ZPBP: variants seen among roughly 807,000 people sequenced by gnomAD.
ZPBP encodes the protein zona pellucida binding protein.
ZPBP carries 26 observed loss-of-function variants against 44.8 expected under a neutral mutation model. That is an observed-to-expected ratio of 0.58 (90% CI 0.43 to 0.81). The LOEUF (loss-of-function observed/expected upper bound fraction) is 0.81, where lower values mean the gene tolerates loss of function less well. Among genes scored for constraint, ZPBP ranks in the 30% least tolerant of loss-of-function variants. The pLI, the probability that ZPBP is intolerant of heterozygous loss-of-function variation, is 0.00. For missense variants in ZPBP, 409 were observed against 434.0 expected (o/e 0.94, Z 0.51); for synonymous variants, 174 against 153.2 (o/e 1.14, Z -1.00).
At chr7:49,923,594 G>A (rs917540510) in intron 1 of ZPBP, among the ~76,000 whole-genome samples, 2 of 139,584 alleles carry the variant, frequency 1.4e-5, no homozygotes, top group African/African-American at 5.5e-5. Context: ...TTAATTCTGT[G>A]TGTTTTAAAT....
chr7:49,937,422 A>AT (rs1480067294), downstream of ZPBP: 7 of 884,636 alleles, frequency 7.9e-6, no homozygotes, highest in Admixed American at 1.8e-5. Context: ...ATGATGACAC[A>AT]TTTTTTTGTA....
chr7:49,926,387 A>C (rs1428020458), intron 1 of ZPBP, among the ~76,000 whole-genome samples: 1 of 152,188 alleles, frequency 6.6e-6, no homozygotes, highest in Non-Finnish European at 1.5e-5. Context: ...TGTGTTGCCC[A>C]TCACTTTTTC....
intron 2 of ZPBP, among the ~76,000 whole-genome samples, chr7:49,876,246 T>C (rs904508024): frequency 4.6e-5 from 7 of 152,200 alleles, no homozygotes; most frequent in African/African-American, 1.7e-4. Flanking sequence ...TTGTCCAAGA[T>C]AATTTGAAAA....
intron 4 of ZPBP, among the ~76,000 whole-genome samples, chr7:50,040,297 T>C (rs1298598394): frequency 6.6e-6 from 1 of 152,226 alleles, no homozygotes; most frequent in Non-Finnish European, 1.5e-5. Context: ...TTAAAAGATA[T>C]ACCATGCATA....
In ZPBP at chr7:49,892,207, G is replaced by A. The variant is rs1792172191; in HGVS notation, n.509+8911C>T. 2.0e-5 allele frequency among the ~76,000 whole-genome samples: 3 copies of A among 151,528 alleles called. No individual in the cohort carries two copies. In the Middle Eastern group the frequency reaches 0.01, roughly 515 times the overall value. On this transcript the variant is annotated intron_variant and non_coding_transcript_variant, in intron 2 of 2. Coordinates refer to the ZPBP transcript ENST00000465922. ...CTACAGGCGCCCACCATCACGCCCG[G>A]CTAATTTTTTTTGTATTTTTAGTAG...
At chr7:50,066,551 T>C (rs531705641) in intron 3 of ZPBP, among the ~76,000 whole-genome samples, 4 of 152,332 alleles carry the variant, frequency 2.6e-5, no homozygotes, top group South Asian at 2.1e-4. Flanking sequence ...GCGTAGGTAA[T>C]AGAACTATGC....
At chr7:49,909,305 C>A (rs1793275782) in intron 1 of ZPBP, among the ~76,000 whole-genome samples, 1 of 152,030 alleles carries the variant, frequency 6.6e-6, no homozygotes, top group Admixed American at 6.6e-5. Flanking sequence ...TTCAAATTTA[C>A]CTCTGCAAAA....
chr7:50,004,344 G>A (rs1423402441), intron 6 of ZPBP, among the ~76,000 whole-genome samples: 3 of 152,030 alleles, frequency 2.0e-5, no homozygotes. Context: ...ACCTGCAACA[G>A]CAGTCTTCCA....
intron 7 of ZPBP, among the ~76,000 whole-genome samples, chr7:49,968,865 T>C (rs1341257417): frequency 1.3e-5 from 2 of 151,878 alleles, no homozygotes; most frequent in Non-Finnish European, 2.9e-5. Context: ...ATACTACATA[T>C]CAGGAGAAAA....
chr7:50,040,994 A>G (rs537040322), intron 4 of ZPBP, among the ~76,000 whole-genome samples: 1 of 152,154 alleles, frequency 6.6e-6, no homozygotes, highest in South Asian at 2.1e-4. Flanking sequence ...GCCATTACTG[A>G]GGCTTTAGTA....
At chr7:49,947,050 T>C (rs1356635851) in intron 7 of ZPBP, among the ~76,000 whole-genome samples, 1 of 152,108 alleles carries the variant, frequency 6.6e-6, no homozygotes, top group African/African-American at 2.4e-5. Flanking sequence ...GCTTTTTAAT[T>C]ATTTCAATTT....
At chr7:50,093,036 T>TGCGGAGCCGGCAGGGCGGC in intron 1 of ZPBP, 32 bp downstream of exon 1, 1 of 1,585,654 alleles carries the variant, frequency 6.3e-7, no homozygotes, top group South Asian at 1.1e-5. Context: ...CGGTTGTCCC[T>TGCGGAGCCGGCAGGGCGGC]GCGGAGCCGG....
chr7:49,927,965 T>G (rs1278564293), intron 1 of ZPBP, among the ~76,000 whole-genome samples: 1 of 152,206 alleles, frequency 6.6e-6, no homozygotes, highest in Non-Finnish European at 1.5e-5. Context: ...GCCCCTCTCA[T>G]GATGAACTTG....
chr7:50,063,849 G>C (rs894125499), intron 3 of ZPBP, among the ~76,000 whole-genome samples: 2 of 152,124 alleles, frequency 1.3e-5, no homozygotes, highest in African/African-American at 4.8e-5. Context: ...TAAATCTAGT[G>C]CCCTTGATGT....
At chr7:50,050,788 C>CAAAAAAAA (rs751875216) in intron 4 of ZPBP, among the ~76,000 whole-genome samples, 1 of 26,842 alleles carries the variant, frequency 3.7e-5, no homozygotes, top group Non-Finnish European at 6.8e-5. Flanking sequence ...GACTCCGTCT[C>CAAAAAAAA]AAAAAAAAAA....
chr7:49,917,475 T>A (rs965356283), intron 1 of ZPBP: 2 of 152,296 alleles, frequency 1.3e-5, no homozygotes, highest in South Asian at 4.1e-4. Context: ...GTGCATACTG[T>A]TTAACTCTTT....
At chr7:49,841,342 GA>G in the ZPBP span, among the ~76,000 whole-genome samples, 4 of 149,956 alleles carry the variant, frequency 2.7e-5, no homozygotes, top group African/African-American at 4.9e-5. Context: ...AGAGAATCAG[GA>G]AAAAGCAGTA....
intron 5 of ZPBP, among the ~76,000 whole-genome samples, chr7:50,021,330 G>C (rs901197821): frequency 5.3e-5 from 8 of 151,990 alleles, no homozygotes; most frequent in Middle Eastern, 3.2e-3. Flanking sequence ...AGCAAAATAA[G>C]TTACAGGACA....
intron 7 of ZPBP, among the ~76,000 whole-genome samples, chr7:49,938,239 A>ATT (rs34104487): frequency 2.6e-5 from 4 of 152,042 alleles, no homozygotes; most frequent in East Asian, 1.9e-4. Flanking sequence ...AAGAGACTGC[A>ATT]TTTTTTTCTA....
Sources: gnomAD v4.1 joint callset for allele counts (sites outside exome capture counted in the v4.1 genomes callset) on GRCh38, gnomAD v4.1.1 for gene constraint, MANE v1.5 for transcripts, NCBI Gene and HGNC (gene_info 2026-07-23, HGNC 2026-07-21) for gene names.